The following LRBA variants were observed in gnomAD, a reference collection of about 807,000 sequenced individuals.
LRBA encodes the protein LPS responsive beige-like anchor protein.
LRBA carries 176 observed loss-of-function variants against 330.0 expected under a neutral mutation model. The ratio of observed to expected loss-of-function variants is 0.53; its 90% CI spans 0.47 to 0.60. The LOEUF is 0.60. Ranked by LOEUF, LRBA falls within the 20% of genes least tolerant of loss-of-function variation. The pLI is 0.00. For synonymous variants in LRBA, 1,230 were observed against 1,193.0 expected, an observed-to-expected ratio of 1.03 and a Z score of -0.64; for missense variants, 3,259 against 3,444.8, an observed-to-expected ratio of 0.95 and a Z score of 1.35.
chr4:150,744,980 G>A (rs1732493425), intron 35 of LRBA, among the ~76,000 whole-genome samples: 1 of 152,200 alleles, frequency 6.6e-6, no homozygotes, highest in Non-Finnish European at 1.5e-5. Flanking sequence ...TGAAGAAGAA[G>A]TAAGTGGCTA....
intron 37 of LRBA, among the ~76,000 whole-genome samples, chr4:150,676,600 T>C (rs921898646): frequency 6.6e-6 from 1 of 152,224 alleles, no homozygotes; most frequent in Admixed American, 6.5e-5. Flanking sequence ...AAGGCTGGGC[T>C]AAATTATTGC....
intron 47 of LRBA, among the ~76,000 whole-genome samples, chr4:150,368,200 C>G (rs942160482): frequency 2.6e-5 from 4 of 152,008 alleles, no homozygotes; most frequent in Non-Finnish European, 5.9e-5. Context: ...TCATAATACC[C>G]CCAATTCACA....
Position 150,866,892 on chromosome 4 carries a change from T to C in LRBA, c.2766+779A>G, listed in dbSNP as rs920227632. Among the ~76,000 whole-genome samples the C allele has an allele frequency of 2.7e-5, 4 of 149,208 alleles. No individual in the cohort carries two copies. The South Asian group carries it at 6.2e-4, about 23-fold the overall frequency. ...TGCAAACATAAAAAATAAAACTCTTTATTGTTTAGAGTTATATACACGTAG... is the reference window on the plus strand; with the variant it reads ...TGCAAACATAAAAAATAAAACTCTTCATTGTTTAGAGTTATATACACGTAG... On this transcript the variant is annotated intron_variant, in intron 22 of 56. Transcript: ENST00000651943.
Position 150,706,600 on chromosome 4 carries a change from A to C in LRBA, c.5755-22883T>G, listed in dbSNP as rs12646400. 2.0e-5 allele frequency among the ~76,000 whole-genome samples: 3 copies of C among 146,830 alleles called. No homozygotes were observed. The East Asian group carries it at 5.9e-4, about 29-fold the overall frequency. ...GAGAGAAAATATCCACACATTTAAC[A>C]AAAAAAAAAAATTTAACTTCTGTAA... On this transcript the variant is annotated intron_variant, in intron 36 of 56. Coordinates refer to ENST00000651943, the MANE Select transcript of LRBA (RefSeq NM_001364905.1).
At chr4:150,387,120 ATTTG>A (rs1487652065) in intron 47 of LRBA, among the ~76,000 whole-genome samples, 2 of 151,386 alleles carry the variant, frequency 1.3e-5, no homozygotes, top group Non-Finnish European at 2.9e-5. Context: ...TTTTTTGTAA[ATTTG>A]TTTAAGTTCC....
rs1051698364 is a variant in LRBA at position 150,871,341 on chromosome 4, C to T, written c.2367+4G>A. On this transcript the variant is annotated splice_donor_region_variant and intron_variant, in intron 19 of 56. Transcript: ENST00000651943. ...AGAGGAGTAAATCCTAAGTACATTCCTACCTCAAACAGCACATTATATGTG... is the reference window on the plus strand; with the variant it reads ...AGAGGAGTAAATCCTAAGTACATTCTTACCTCAAACAGCACATTATATGTG... The T allele has an allele frequency of 3.2e-6, 5 of 1,549,124 alleles. No individual in the cohort carries two copies. The highest frequency in any genetic ancestry group is 2.7e-5 in the African/African-American group (2 of 73,796).
chr4:150,398,701 A>C (rs1745071957), intron 47 of LRBA, among the ~76,000 whole-genome samples: 1 of 151,786 alleles, frequency 6.6e-6, no homozygotes, highest in South Asian at 2.1e-4. Flanking sequence ...ATCACAGCTC[A>C]CTGCAGCCTC....
chr4:150,308,257 ATGG>A (rs1684532342), intron 52 of LRBA, among the ~76,000 whole-genome samples: 1 of 152,192 alleles, frequency 6.6e-6, no homozygotes, highest in Non-Finnish European at 1.5e-5. Flanking sequence ...CACATATATG[ATGG>A]TGGTCCCATG....
At chr4:150,560,979 C>T (rs746394887) in intron 40 of LRBA, among the ~76,000 whole-genome samples, 11 of 151,722 alleles carry the variant, frequency 7.3e-5, no homozygotes, top group Non-Finnish European at 1.3e-4. Flanking sequence ...GAGCGAAACT[C>T]CATCTCAAAA....
intron 22 of LRBA, among the ~76,000 whole-genome samples, chr4:150,854,631 C>T (rs544737900): frequency 2.0e-5 from 3 of 152,158 alleles, no homozygotes; most frequent in African/African-American, 4.8e-5. Context: ...AAAGTCTAGG[C>T]GAGAAGGTGT....
intron 48 of LRBA, among the ~76,000 whole-genome samples, chr4:150,340,141 T>TC (rs922335611): frequency 2.0e-5 from 3 of 152,150 alleles, no homozygotes; most frequent in African/African-American, 7.2e-5. Flanking sequence ...CCCTGAGGCC[T>TC]CCCTAGCCAT....
intron 44 of LRBA, among the ~76,000 whole-genome samples, chr4:150,437,503 C>CTA (rs1202631067): frequency 8.8e-5 from 12 of 135,934 alleles, no homozygotes; most frequent in South Asian, 4.4e-4. Flanking sequence ...CTCTCTCTCT[C>CTA]TCTCTATATA....
At chr4:150,645,607 A>G (rs770250458) in intron 37 of LRBA, among the ~76,000 whole-genome samples, 4 of 151,936 alleles carry the variant, frequency 2.6e-5, no homozygotes, top group Non-Finnish European at 5.9e-5. Flanking sequence ...TCAAATATCA[A>G]TTGCAACTAA....
intron 9 of LRBA, 100 bp downstream of exon 9, chr4:150,914,093 CTT>C (rs372369181): frequency 2.3e-3 from 1,629 of 709,556 alleles, no homozygotes; most frequent in South Asian, 2.9e-3. Context: ...TCTCATTTTT[CTT>C]TTTTTTTTTT....
At chr4:150,509,593 A>G (rs2152131674) in intron 40 of LRBA, among the ~76,000 whole-genome samples, 1 of 151,872 alleles carries the variant, frequency 6.6e-6, no homozygotes, top group Non-Finnish European at 1.5e-5. Context: ...GAGAAATATC[A>G]CTAAAACCTA....
chr4:150,968,066 G>A (rs1041734093), intron 2 of LRBA, among the ~76,000 whole-genome samples: 2 of 148,964 alleles, frequency 1.3e-5, no homozygotes, highest in Non-Finnish European at 3.0e-5. Context: ...GAGCAGTGGC[G>A]CGATTTCGGT....
chr4:150,670,299 T>TACTGTA (rs1312461482), intron 37 of LRBA, among the ~76,000 whole-genome samples: 10 of 152,226 alleles, frequency 6.6e-5, no homozygotes, highest in African/African-American at 2.2e-4. Flanking sequence ...ACCTCCCATT[T>TACTGTA]ATAAATTATT....
intron 30 of LRBA, among the ~76,000 whole-genome samples, chr4:150,818,438 C>T (rs555676702): frequency 1.3e-4 from 19 of 151,904 alleles, no homozygotes; most frequent in African/African-American, 4.6e-4. Flanking sequence ...GCAACAGCCA[C>T]CTGAGCCCCC....
Position 150,277,890 on chromosome 4 carries a change from CG to C in LRBA, c.8430del (p.Asp2810GlufsTer56), listed in dbSNP as rs1306813601. 1.2e-6 allele frequency: 2 copies of C among 1,614,096 alleles called. No homozygotes were observed. Among genetic ancestry groups the C allele is most frequent in the Non-Finnish European group, 1.7e-6 (2 of 1,180,016 alleles). ...GACAGCGCCATGGCCCGGATTCCAG[CG>C]TCACATCCTGGATAGGCAAAGAGCT... The part of the protein sequence containing the change: ...LKQLFAYPGC[D>X]AGIRAMALSY... On this transcript the variant is annotated frameshift_variant, in exon 56 of 57. Transcript: ENST00000651943. LOFTEE classifies it high-confidence loss of function.
Sources: gnomAD v4.1 joint callset for allele counts (sites outside exome capture counted in the v4.1 genomes callset) on GRCh38, gnomAD v4.1.1 for gene constraint, MANE v1.5 for transcripts, NCBI Gene and HGNC (gene_info 2026-07-23, HGNC 2026-07-21) for gene names.